SETSIP: variants seen among roughly 807,000 people sequenced by gnomAD.
SETSIP encodes the protein SET like protein, also known as protein SETSIP.
In SETSIP, 15 loss-of-function variants were observed where a neutral mutation model predicts 21.9. The observed-to-expected ratio is 0.69, with a 90% CI of 0.46 to 1.06. SETSIP has a LOEUF of 1.06. Ranked by LOEUF, SETSIP falls within the 50% of genes least tolerant of loss-of-function variation. The probability of loss-of-function intolerance (pLI) is 0.00; values close to 1 mark genes in which losing one functional copy is unlikely to be tolerated. For missense variants in SETSIP, 310 were observed against 337.4 expected (o/e 0.92, Z 0.64); for synonymous variants, 101 against 121.2 (o/e 0.83, Z 1.09).
In SETSIP at chr1:92,075,258, G is replaced by A; in HGVS notation, c.154C>T (p.Gln52Ter). ...TCATTAAGTCTGTCTATTTCATTTT[G>A]TACTTCATCAATGTGTTCAATTGCT... The change falls in exon 1 of 1, where the codon CAA (glutamine) becomes TAA (stop). Residue 52 changes from glutamine to a stop codon, truncating the protein, a stop_gained. Transcript: ENST00000596516. LOFTEE classifies it high-confidence loss of function. 2.5e-6 allele frequency: 4 copies of A among 1,611,874 alleles called. No homozygotes were observed. The highest frequency in any genetic ancestry group is 3.4e-6 in the Non-Finnish European group (4 of 1,179,844).
rs370013355 is a variant in SETSIP, at chr1:92,074,651, C to CCATCAT, written c.755_760dup (p.Asp252_Asp253dup). On this transcript the variant is annotated inframe_insertion, in exon 1 of 1. Transcript: ENST00000596516. The stretch of plus-strand genomic sequence containing the variant: ...TTCTAATTCTTCCTCCCCTTCATCA[C>CCATCAT]CATCATCATCATCATCATCATCATC... 27 of 1,578,326 alleles carry CCATCAT rather than the reference C, an allele frequency of 1.7e-5. No individual in the cohort carries two copies. The East Asian group carries it at 3.1e-4, about 18-fold the overall frequency.
At chr1:92,075,075 C>T (rs2101882263) in exon 1 of SETSIP, 1 of 1,611,898 alleles carries the variant, frequency 6.2e-7, no homozygotes, top group Non-Finnish European at 8.5e-7. Context: ...GCCTCTTCGT[C>T]CTCCTCCCCA....
At chr1:92,074,659 A>T in exon 1 of SETSIP, 1 of 1,583,952 alleles carries the variant, frequency 6.3e-7, no homozygotes, top group African/African-American at 1.4e-5. Flanking sequence ...CACCATCATC[A>T]TCATCATCAT....
Position 92,074,794 on chromosome 1 carries a change from A to C in SETSIP, c.618T>G (p.Phe206Leu), listed in dbSNP as rs909339362. 1.9e-6 allele frequency: 3 copies of C among 1,611,434 alleles called. No homozygotes were observed. In the African/African-American group the frequency reaches 4.0e-5, roughly 21 times the overall value. Residue 206 changes from phenylalanine (F) to leucine (L), a missense_variant, in exon 1 of 1, where the codon TTT (phenylalanine) becomes TTG (leucine). By Grantham distance (22) the Phe-to-Leu change is conservative. Transcript: ENST00000596516. ...CAGCACCTGCATCAGAATGATCAGT[A>C]AACCAGGTAAAGAAGCTCTCTGGTT...
chr1:92,074,683 T>A (rs1647802657), exon 1 of SETSIP: 1 of 1,592,462 alleles, frequency 6.3e-7, no homozygotes, highest in Non-Finnish European at 8.5e-7. Flanking sequence ...CATCTTCTCC[T>A]CCTTCTTCAT....
chr1:92,075,371 T>C, exon 1 of SETSIP: 2 of 1,606,570 alleles, frequency 1.2e-6, no homozygotes, highest in Middle Eastern at 2.3e-4. Context: ...TCTTGGTTTC[T>C]TCTTTTGAAG....
exon 1 of SETSIP, chr1:92,074,685 C>T: frequency 3.1e-6 from 5 of 1,592,988 alleles, no homozygotes; most frequent in Non-Finnish European, 4.3e-6. Flanking sequence ...TCTTCTCCTC[C>T]TTCTTCATCA....
At chr1:92,075,100 T>A in exon 1 of SETSIP, 1 of 1,611,914 alleles carries the variant, frequency 6.2e-7, no homozygotes. Flanking sequence ...GTGAAGACAC[T>A]TGTGGATGGT....
exon 1 of SETSIP, chr1:92,075,326 G>A: frequency 6.2e-7 from 1 of 1,611,720 alleles, no homozygotes; most frequent in Admixed American, 1.7e-5. Flanking sequence ...GCCTGCAGAG[G>A]CCGATGTCTC....
chr1:92,074,782 A>G, exon 1 of SETSIP: 1 of 1,611,090 alleles, frequency 6.2e-7, no homozygotes, highest in East Asian at 2.2e-5. Context: ...CACCTGCATC[A>G]GAATGATCAG....
chr1:92,074,648 T>TCAC lies in SETSIP; in HGVS notation c.761_763dup (p.Gly254dup). ...ATCTTCTAATTCTTCCTCCCCTTCATCACCATCATCATCATCATCATCATC... is the reference window on the plus strand; with the variant it reads ...ATCTTCTAATTCTTCCTCCCCTTCATCACCACCATCATCATCATCATCATCATC... On this transcript the variant is annotated inframe_insertion, in exon 1 of 1. Transcript: ENST00000596516. 6.3e-6 allele frequency: 10 copies of TCAC among 1,580,118 alleles called. No homozygotes were observed. In the South Asian group the frequency reaches 8.3e-5, roughly 13 times the overall value.
chr1:92,075,189 T>C, exon 1 of SETSIP: 2 of 1,611,822 alleles, frequency 1.2e-6, no homozygotes, highest in Non-Finnish European at 1.7e-6. Flanking sequence ...TGGCGGAGTT[T>C]GTTATATTTC....
exon 1 of SETSIP, chr1:92,074,702 T>C: frequency 6.3e-7 from 1 of 1,599,836 alleles, no homozygotes; most frequent in Non-Finnish European, 8.5e-7. Flanking sequence ...ATCATCCATA[T>C]CAGGAACCAA....
chr1:92,075,200 T>G (rs1352746008), exon 1 of SETSIP: 3 of 1,611,772 alleles, frequency 1.9e-6, no homozygotes, highest in Non-Finnish European at 2.5e-6. Flanking sequence ...GTTATATTTC[T>G]GTTCTACTTT....
chr1:92,075,221 T>G, exon 1 of SETSIP: 1 of 1,611,950 alleles, frequency 6.2e-7, no homozygotes, highest in Non-Finnish European at 8.5e-7. Context: ...CAAAATCTCC[T>G]CACTGTCTTG....
At chr1:92,075,248 A>G (rs1647813748) in exon 1 of SETSIP, 12 of 1,611,762 alleles carry the variant, frequency 7.4e-6, no homozygotes, top group African/African-American at 1.3e-5. Flanking sequence ...AAGTCTGTCT[A>G]TTTCATTTTG....
At chr1:92,074,775 C>T in exon 1 of SETSIP, 1 of 1,610,958 alleles carries the variant, frequency 6.2e-7, no homozygotes, top group Non-Finnish European at 8.5e-7. Context: ...TCATCAGCAC[C>T]TGCATCAGAA....
chr1:92,075,059 T>C, exon 1 of SETSIP: 2 of 1,611,956 alleles, frequency 1.2e-6, no homozygotes, highest in Non-Finnish European at 8.5e-7. Context: ...AGTCAAATAA[T>C]GCAGTGCCTC....
At chr1:92,074,820 C>T in exon 1 of SETSIP, 1 of 1,611,530 alleles carries the variant, frequency 6.2e-7, no homozygotes, top group Non-Finnish European at 8.5e-7. Flanking sequence ...CTCTCTGGTT[C>T]CTCATGCTGC....
Sources: allele counts gnomAD v4.1 joint callset, GRCh38; gene constraint gnomAD v4.1.1; transcripts MANE v1.5; gene names NCBI Gene and HGNC (gene_info 2026-07-23, HGNC 2026-07-21).